The following SCN11A variants were observed in gnomAD, a reference collection of about 807,000 sequenced individuals.
SCN11A encodes the protein sodium channel protein type 11 subunit alpha.
In SCN11A, 122 loss-of-function variants were observed where a neutral mutation model predicts 162.2. That is an observed-to-expected ratio of 0.75 (90% CI 0.65 to 0.87). The LOEUF (loss-of-function observed/expected upper bound fraction) is 0.87. Ranked by LOEUF, SCN11A falls within the 40% of genes least tolerant of loss-of-function variation. The pLI is 0.00. For missense variants in SCN11A, 2,015 were observed against 2,181.6 expected, an observed-to-expected ratio of 0.92 and a Z score of 1.52; for synonymous variants, 758 against 751.5, an observed-to-expected ratio of 1.01 and a Z score of -0.14.
chr3:38,871,710 T>G lies in SCN11A; in HGVS notation c.3496-2A>C, dbSNP rs187079527. ...ACCTATGAGAGCATTGACCACCACC[T>G]TATGGAAACAAAAGCAAAGAAAACC... On this transcript the variant is annotated splice_acceptor_variant, in intron 24 of 29. Coordinates refer to ENST00000302328, the MANE Select transcript of SCN11A (RefSeq NM_001349253.2). LOFTEE classifies it high-confidence loss of function. 6.3e-7 allele frequency: 1 copy of G among 1,580,856 alleles called. No homozygotes were observed. Among genetic ancestry groups the G allele is most frequent in the Admixed American group, 1.9e-5 (1 of 51,876 alleles).
chr3:38,863,221 G>T lies in SCN11A; in HGVS notation c.4030C>A (p.Pro1344Thr), dbSNP rs2126089243. 1.6e-5 allele frequency: 25 copies of T among 1,603,254 alleles called. No individual in the cohort carries two copies. Among genetic ancestry groups the T allele is most frequent in the Non-Finnish European group, 2.1e-5 (25 of 1,170,486 alleles). ...AGAGGCCGTGGAATGGGTTTTTGAG[G>T]TTTTTTGGATCCTAATTTTTTCATT... is the stretch of plus-strand genomic sequence containing the variant. ...NAMKKLGSKK[P>T]QKPIPRPLNK... The change falls in exon 28 of 30, where the codon CCT (proline) becomes ACT (threonine). Residue 1344 changes from proline to threonine, a missense_variant. Pro to Thr is a conservative substitution (Grantham distance 38). Coordinates refer to ENST00000302328, the MANE Select transcript of SCN11A (RefSeq NM_001349253.2).
At chr3:38,870,272 T>C (rs1007114563) in intron 26 of SCN11A, among the ~76,000 whole-genome samples, 18 of 152,206 alleles carry the variant, frequency 1.2e-4, no homozygotes, top group African/African-American at 1.4e-4. Context: ...TCTGGAGCCA[T>C]GCGAGGGTCT....
intron 2 of SCN11A, among the ~76,000 whole-genome samples, chr3:39,016,715 G>A (rs979315010): frequency 7.2e-5 from 11 of 151,928 alleles, no homozygotes; most frequent in Non-Finnish European, 1.0e-4. Context: ...CAATTCTTCC[G>A]CCTCAGCCTC....
intron 1 of SCN11A, among the ~76,000 whole-genome samples, chr3:39,034,501 AC>A (rs1214386266): frequency 1.3e-5 from 2 of 152,252 alleles, no homozygotes; most frequent in African/African-American, 4.8e-5. Flanking sequence ...TCAGTATCAG[AC>A]TAAATGCAGA....
At chr3:39,006,490 AGACATCT>A (rs2125600694) in intron 2 of SCN11A, among the ~76,000 whole-genome samples, 1 of 152,328 alleles carries the variant, frequency 6.6e-6, no homozygotes, top group South Asian at 2.1e-4. Flanking sequence ...AAGAATCAAC[AGACATCT>A]GGGAGCTTTT....
At chr3:38,929,155 A>G (rs2066197637) in intron 7 of SCN11A, among the ~76,000 whole-genome samples, 1 of 128,704 alleles carries the variant, frequency 7.8e-6, no homozygotes, top group Non-Finnish European at 1.8e-5. Flanking sequence ...ACACACACAC[A>G]CACACACACA....
chr3:38,990,603 C>T (rs2030421364), intron 2 of SCN11A, among the ~76,000 whole-genome samples: 1 of 152,094 alleles, frequency 6.6e-6, no homozygotes, highest in Non-Finnish European at 1.5e-5. Flanking sequence ...AAGTGCTGGG[C>T]CTTTGAGAAC....
intron 1 of SCN11A, among the ~76,000 whole-genome samples, chr3:39,038,886 C>T (rs1360109189): frequency 6.6e-6 from 1 of 152,158 alleles, no homozygotes; most frequent in Non-Finnish European, 1.5e-5. Flanking sequence ...TCATTTCTTC[C>T]CCTGATCATA....
chr3:38,885,545 C>A (rs953735859), intron 20 of SCN11A, 143 bp from the exon 21 acceptor site: 4 of 604,072 alleles, frequency 6.6e-6, no homozygotes, highest in Non-Finnish European at 1.2e-5. Flanking sequence ...TCAAGAAACA[C>A]CCCTCCTGCT....
chr3:38,878,237 T>C (rs2065252636), intron 23 of SCN11A, among the ~76,000 whole-genome samples: 1 of 112,974 alleles, frequency 8.9e-6, no homozygotes, highest in Non-Finnish European at 2.2e-5. Flanking sequence ...CAGTGTGGCT[T>C]TGGACAACTG....
chr3:38,905,289 G>A lies in SCN11A; in HGVS notation c.1506C>T (p.Ser502=), dbSNP rs1341639548. ...PQLLEQTKRL[S]QNLSLDHFDE... ...CAAAGTGGTCCAGTGATAGATTCTG[G>A]GACAGTCGTTTGGTTTGCTCTAGGA... The change falls in exon 15 of 30, where the codon TCC becomes TCT. Residue 502 remains serine, a synonymous_variant. Transcript: ENST00000302328. 1.9e-6 allele frequency: 3 copies of A among 1,613,986 alleles called. No homozygotes were observed. The South Asian group carries it at 3.3e-5, about 18-fold the overall frequency.
chr3:38,966,494 C>A (rs1278779116), intron 2 of SCN11A, among the ~76,000 whole-genome samples: 1 of 152,044 alleles, frequency 6.6e-6, no homozygotes, highest in African/African-American at 2.4e-5. Context: ...ATATTTTATC[C>A]ATTTATGGGG....
chr3:38,894,387 C>T, intron 19 of SCN11A, 146 bp downstream of exon 19: 1 of 703,726 alleles, frequency 1.4e-6, no homozygotes, highest in Admixed American at 2.4e-5. Flanking sequence ...AGAACCTGTC[C>T]TGAGATGTGC....
intron 28 of SCN11A, among the ~76,000 whole-genome samples, chr3:38,858,328 T>A (rs2064906294): frequency 6.6e-6 from 1 of 152,104 alleles, no homozygotes; most frequent in African/African-American, 2.4e-5. Flanking sequence ...GAAAAAGACA[T>A]TCCATGCAAA....
In SCN11A at chr3:38,904,106, G is replaced by A; in HGVS notation, c.1604-3C>T. The A allele has an allele frequency of 6.5e-7, 1 of 1,545,328 alleles. No individual in the cohort carries two copies. The highest frequency in any genetic ancestry group is 8.7e-7 in the Non-Finnish European group (1 of 1,146,642). ...AGGCTCTTGTGATTTTTCTTGTTCTGGAGGAGAATGAGCGAGAGGTTGAGG... is the reference window on the plus strand; with the variant it reads ...AGGCTCTTGTGATTTTTCTTGTTCTAGAGGAGAATGAGCGAGAGGTTGAGG... On this transcript the variant is annotated splice_polypyrimidine_tract_variant and splice_region_variant and intron_variant, in intron 15 of 29. Coordinates refer to ENST00000302328, the MANE Select transcript of SCN11A (RefSeq NM_001349253.2).
chr3:38,864,516 T>C (rs1454632756), intron 27 of SCN11A, among the ~76,000 whole-genome samples: 4 of 152,128 alleles, frequency 2.6e-5, no homozygotes, highest in African/African-American at 9.7e-5. Context: ...TTTCTCAGTG[T>C]GGAAAGGGGG....
At chr3:38,976,559 A>G (rs766351580) in intron 2 of SCN11A, among the ~76,000 whole-genome samples, 14 of 152,242 alleles carry the variant, frequency 9.2e-5, no homozygotes, top group Admixed American at 2.6e-4. Context: ...ATATTTTCAG[A>G]TTAGGAATGC....
At chr3:38,972,346 A>T (rs142792148) in intron 2 of SCN11A, among the ~76,000 whole-genome samples, 101 of 152,208 alleles carry the variant, frequency 6.6e-4, no homozygotes, top group African/African-American at 2.4e-3. Flanking sequence ...CCTTTTACCT[A>T]TGCTCTGGTC....
chr3:38,971,282 C>T (rs1007802672), intron 2 of SCN11A, among the ~76,000 whole-genome samples: 2 of 151,932 alleles, frequency 1.3e-5, no homozygotes, highest in Admixed American at 6.6e-5. Context: ...AGAAGAGACA[C>T]GTGAAAGAAA....
Sources: allele counts gnomAD v4.1 joint callset (sites outside exome capture counted in the v4.1 genomes callset), GRCh38; gene constraint gnomAD v4.1.1; transcripts MANE v1.5; gene names NCBI Gene and HGNC (gene_info 2026-07-23, HGNC 2026-07-21).